The following PTH2R variants were observed in gnomAD, a reference collection of about 807,000 sequenced individuals.
The protein encoded by PTH2R is PTH2 receptor.
In PTH2R, 59 loss-of-function variants were observed where a neutral mutation model predicts 60.3. That is an observed-to-expected ratio of 0.98 (90% CI 0.79 to 1.22). PTH2R has a LOEUF of 1.22. Ranked by LOEUF, PTH2R falls within the 50% of genes most tolerant of loss-of-function variation. The pLI is 0.00. For synonymous variants in PTH2R, 256 were observed against 243.8 expected (o/e 1.05, Z -0.47); for missense variants, 749 against 682.6 (o/e 1.10, Z -1.08).
At chr2:208,467,301 A>G (rs1211172981) in intron 9 of PTH2R, among the ~76,000 whole-genome samples, 1 of 151,992 alleles carries the variant, frequency 6.6e-6, no homozygotes, top group Non-Finnish European at 1.5e-5. Context: ...GCTTTCTACT[A>G]TTGGGGAAAT....
intron 1 of PTH2R, among the ~76,000 whole-genome samples, chr2:208,419,003 T>G (rs532198277): frequency 5.3e-4 from 80 of 152,330 alleles, no homozygotes; most frequent in Middle Eastern, 3.4e-3. Context: ...TGTAAATCCC[T>G]AAAAGTGAAG....
intron 7 of PTH2R, among the ~76,000 whole-genome samples, chr2:208,446,517 G>A (rs917446297): frequency 9.2e-5 from 14 of 152,274 alleles, no homozygotes; most frequent in African/African-American, 2.9e-4. Flanking sequence ...GTCTGTGAAC[G>A]CATTTTACAT....
At chr2:208,486,307 G>A (rs1703272320) in intron 10 of PTH2R, among the ~76,000 whole-genome samples, 1 of 152,206 alleles carries the variant, frequency 6.6e-6, no homozygotes, top group Non-Finnish European at 1.5e-5. Context: ...TTATAGAAGA[G>A]CTTAGTCCTA....
At position 208,443,342 on chromosome 2, in the gene PTH2R, C is replaced by T. The variant is rs910025157; in HGVS notation, c.510-6C>T. On this transcript the variant is annotated splice_region_variant and splice_polypyrimidine_tract_variant and intron_variant, in intron 5 of 12. Coordinates refer to ENST00000272847, the MANE Select transcript of PTH2R (RefSeq NM_005048.4). ...AAATTTAAATACTGAATATTTCTCT[C>T]CGTAGACGATTGCATTGCACTAGGA... The T allele has an allele frequency of 1.3e-6, 2 of 1,535,900 alleles. No homozygotes were observed. The highest frequency in any genetic ancestry group is 1.7e-6 in the Non-Finnish European group (2 of 1,143,782).
chr2:208,385,561 G>C (rs1700986437), intron 1 of PTH2R, among the ~76,000 whole-genome samples: 1 of 152,148 alleles, frequency 6.6e-6, no homozygotes, highest in South Asian at 2.1e-4. Context: ...GGCTTGACCT[G>C]GTTCAGAGGT....
intron 9 of PTH2R, among the ~76,000 whole-genome samples, chr2:208,477,571 C>CA (rs201342507): frequency 1.4e-4 from 21 of 148,408 alleles, no homozygotes; most frequent in Admixed American, 2.7e-4. Context: ...TAGCATGTAA[C>CA]AAAAAAAAAC....
At chr2:208,362,261 C>G (rs1482302982) in intron 1 of PTH2R, among the ~76,000 whole-genome samples, 1 of 149,212 alleles carries the variant, frequency 6.7e-6, no homozygotes, top group Non-Finnish European at 1.5e-5. Context: ...TTTCCTAGTT[C>G]TCTAGCTTGC....
At chr2:208,387,450 T>C (rs1020928560) in intron 1 of PTH2R, among the ~76,000 whole-genome samples, 1 of 152,146 alleles carries the variant, frequency 6.6e-6, no homozygotes, top group African/African-American at 2.4e-5. Context: ...AGACACACTC[T>C]CCTAAATGTC....
chr2:208,369,547 G>A (rs777836165), intron 1 of PTH2R, among the ~76,000 whole-genome samples: 1 of 151,892 alleles, frequency 6.6e-6, no homozygotes, highest in South Asian at 2.1e-4. Flanking sequence ...TGTAGTTTTA[G>A]TAGAGACAGG....
At chr2:208,365,993 T>G (rs1436007683) in intron 1 of PTH2R, among the ~76,000 whole-genome samples, 1 of 91,458 alleles carries the variant, frequency 1.1e-5, no homozygotes, top group African/African-American at 4.4e-5. Flanking sequence ...TTTTTTTTTT[T>G]TTTGCAGAGA....
chr2:208,403,723 C>T (rs1335231194), upstream of PTH2R, among the ~76,000 whole-genome samples: 1 of 152,162 alleles, frequency 6.6e-6, no homozygotes, highest in East Asian at 1.9e-4. Flanking sequence ...AAGTTGGTAT[C>T]AACTGAGGCA....
intron 9 of PTH2R, among the ~76,000 whole-genome samples, chr2:208,472,222 G>A (rs1702898157): frequency 6.6e-6 from 1 of 152,146 alleles, no homozygotes; most frequent in South Asian, 2.1e-4. Flanking sequence ...CTGTTGGGAA[G>A]GTGTGATTGC....
intron 9 of PTH2R, among the ~76,000 whole-genome samples, chr2:208,470,486 T>C (rs1702858134): frequency 1.3e-5 from 2 of 151,490 alleles, no homozygotes; most frequent in Non-Finnish European, 2.9e-5. Flanking sequence ...TGTGCTGTTC[T>C]CGTGATAGTG....
chr2:208,377,624 CTGCTGGGCAGAGG>C (rs1700825069), intron 1 of PTH2R, among the ~76,000 whole-genome samples: 1 of 150,744 alleles, frequency 6.6e-6, no homozygotes, highest in Admixed American at 6.6e-5. Context: ...GACAGGGTGG[CTGCTGGGCAGAGG>C]GGCTCCTCAC....
At chr2:208,438,476 G>C (rs1181269058) in intron 4 of PTH2R, among the ~76,000 whole-genome samples, 2 of 152,142 alleles carry the variant, frequency 1.3e-5, no homozygotes, top group East Asian at 3.9e-4. Flanking sequence ...AGTGGCAAGA[G>C]GGTTTAATGT....
chr2:208,432,176 A>G lies in PTH2R; in HGVS notation c.178+3873A>G, dbSNP rs138467349. 6.6e-5 allele frequency among the ~76,000 whole-genome samples: 10 copies of G among 152,356 alleles called. No individual in the cohort carries two copies. In the East Asian group the frequency reaches 1.7e-3, roughly 26 times the overall value. ...GAAATCTTATAAACTGTTGAGCTAG[A>G]AGGTATTTCAGAGATCACCTAGGCC... is the stretch of plus-strand genomic sequence containing the variant. On this transcript the variant is annotated intron_variant, in intron 2 of 12. Coordinates refer to ENST00000272847, the MANE Select transcript of PTH2R (RefSeq NM_005048.4).
intron 1 of PTH2R, among the ~76,000 whole-genome samples, chr2:208,363,794 T>C (rs537208339): frequency 6.6e-5 from 10 of 152,362 alleles, no homozygotes; most frequent in African/African-American, 1.4e-4. Context: ...TTTCAAATGC[T>C]TGTTGGCCGC....
chr2:208,489,338 T>A lies in PTH2R; in HGVS notation c.1215+188T>A, dbSNP rs1392485472. Reference sequence around the variant, plus strand: ...TGTCCTATAGAGGTCAGGTTAATCCTCTGCTCACAGCAGGAGCAGTTCTGG... The same window carrying A: ...TGTCCTATAGAGGTCAGGTTAATCCACTGCTCACAGCAGGAGCAGTTCTGG... On this transcript the variant is annotated intron_variant, in intron 11 of 12. Transcript: ENST00000272847. 2.0e-5 allele frequency among the ~76,000 whole-genome samples: 3 copies of A among 152,146 alleles called. No individual in the cohort carries two copies. The East Asian group carries it at 5.8e-4, about 29-fold the overall frequency.
intron 1 of PTH2R, among the ~76,000 whole-genome samples, chr2:208,424,092 C>T (rs1324259106): frequency 6.6e-6 from 1 of 152,132 alleles, no homozygotes; most frequent in Non-Finnish European, 1.5e-5. Context: ...TGACTCTCCA[C>T]TAGGTCTTCT....
Sources: allele counts gnomAD v4.1 joint callset (sites outside exome capture counted in the v4.1 genomes callset), GRCh38; gene constraint gnomAD v4.1.1; transcripts MANE v1.5; gene names NCBI Gene and HGNC (gene_info 2026-07-23, HGNC 2026-07-21).